ARB2A: variants seen among roughly 807,000 people sequenced by gnomAD.
The protein encoded by ARB2A is cotranscriptional regulator ARB2A.
the ARB2A span, among the ~76,000 whole-genome samples, chr5:93,826,776 T>C: frequency 8.6e-6 from 1 of 116,878 alleles, no homozygotes; most frequent in African/African-American, 3.3e-5. Flanking sequence ...CCCCACAGTG[T>C]GAAGTTCCCC....
At chr5:93,638,844 A>T in the ARB2A span, among the ~76,000 whole-genome samples, 8 of 152,002 alleles carry the variant, frequency 5.3e-5, no homozygotes. Context: ...AAAAAAATGC[A>T]TTTGATTTTT....
the ARB2A span, among the ~76,000 whole-genome samples, chr5:93,685,598 A>G: frequency 6.6e-6 from 1 of 152,224 alleles, no homozygotes; most frequent in Non-Finnish European, 1.5e-5. Context: ...GAGTGGTTCT[A>G]AAAAATCTTA....
chr5:93,841,643 T>A, the ARB2A span, among the ~76,000 whole-genome samples: 1 of 152,222 alleles, frequency 6.6e-6, no homozygotes, highest in African/African-American at 2.4e-5. Flanking sequence ...AGGAAACTAA[T>A]TATTTGGCAG....
At chr5:93,888,888 A>G in the ARB2A span, among the ~76,000 whole-genome samples, 1 of 151,814 alleles carries the variant, frequency 6.6e-6, no homozygotes, top group East Asian at 1.9e-4. Flanking sequence ...TCATTCAGTC[A>G]ATAATTCATT....
the ARB2A span, among the ~76,000 whole-genome samples, chr5:93,681,634 G>T: frequency 2.6e-5 from 4 of 152,070 alleles, no homozygotes; most frequent in African/African-American, 9.7e-5. Flanking sequence ...TTGTAAAATT[G>T]TTATCTTTTT....
the ARB2A span, among the ~76,000 whole-genome samples, chr5:93,858,545 T>C: frequency 1.3e-5 from 2 of 152,206 alleles, no homozygotes; most frequent in East Asian, 3.9e-4. Flanking sequence ...CTCCATCTCC[T>C]TTAGCCTTTA....
the ARB2A span, chr5:93,964,426 T>G: frequency 1.4e-6 from 2 of 1,424,732 alleles, no homozygotes; most frequent in Non-Finnish European, 1.9e-6. Context: ...ACATTTCATT[T>G]GAAATAAACA....
the ARB2A span, among the ~76,000 whole-genome samples, chr5:94,003,745 A>G: frequency 6.6e-6 from 1 of 152,188 alleles, no homozygotes; most frequent in Admixed American, 6.5e-5. Flanking sequence ...TCATGGATAC[A>G]AAGCTCTAAC....
the ARB2A span, among the ~76,000 whole-genome samples, chr5:93,933,911 C>A: frequency 6.6e-6 from 1 of 152,064 alleles, no homozygotes; most frequent in African/African-American, 2.4e-5. Context: ...GAGGCTGATG[C>A]AGGAGAATCA....
At chr5:94,029,078 G>A in the ARB2A span, among the ~76,000 whole-genome samples, 137 of 152,158 alleles carry the variant, frequency 9.0e-4, no homozygotes, top group African/African-American at 2.7e-3. Context: ...AGCAATATCC[G>A]CCTCCCAGAA....
At chr5:93,698,185 G>A in the ARB2A span, among the ~76,000 whole-genome samples, 2 of 152,064 alleles carry the variant, frequency 1.3e-5, no homozygotes, top group Non-Finnish European at 1.5e-5. Flanking sequence ...ATTCTCTGTT[G>A]ATTTTCCTTG....
chr5:93,651,170 C>T, the ARB2A span, among the ~76,000 whole-genome samples: 1 of 151,482 alleles, frequency 6.6e-6, no homozygotes, highest in Non-Finnish European at 1.5e-5. Context: ...GGGTCTCACT[C>T]TGTCACCCAG....
chr5:93,862,636 ATGTGTG>A, the ARB2A span: 2 of 151,752 alleles, frequency 1.3e-5, no homozygotes, highest in African/African-American at 4.8e-5. Flanking sequence ...GTGTTTGTGT[ATGTGTG>A]TGTGTGTTCC....
At chr5:93,827,345 A>G in the ARB2A span, among the ~76,000 whole-genome samples, 1 of 152,216 alleles carries the variant, frequency 6.6e-6, no homozygotes, top group Non-Finnish European at 1.5e-5. Context: ...TCTGATGGCC[A>G]GTGATGATGA....
the ARB2A span, among the ~76,000 whole-genome samples, chr5:94,084,207 G>A: frequency 1.4e-5 from 2 of 143,220 alleles, no homozygotes; most frequent in Non-Finnish European, 3.0e-5. Context: ...CCAAGAGGCA[G>A]AGGTCGCAGG....
the ARB2A span, among the ~76,000 whole-genome samples, chr5:93,956,126 G>A: frequency 3.3e-5 from 5 of 152,300 alleles, no homozygotes; most frequent in Non-Finnish European, 1.5e-5. Flanking sequence ...GGATTTATCT[G>A]ATATGCACCA....
chr5:93,679,140 C>G, the ARB2A span, among the ~76,000 whole-genome samples: 1 of 152,130 alleles, frequency 6.6e-6, no homozygotes, highest in South Asian at 2.1e-4. Flanking sequence ...AATTCAACAT[C>G]TACTGTACTT....
the ARB2A span, among the ~76,000 whole-genome samples, chr5:94,020,066 C>G: frequency 6.6e-6 from 1 of 152,134 alleles, no homozygotes; most frequent in Non-Finnish European, 1.5e-5. Flanking sequence ...ATGTACACCA[C>G]GTAATGCTAT....
At chr5:93,781,942 GTC>G in the ARB2A span, 2 of 985,014 alleles carry the variant, frequency 2.0e-6, no homozygotes, top group Non-Finnish European at 2.4e-6. Context: ...ATTTCAAGGA[GTC>G]TTGCAGAGGG....
Sources: allele counts gnomAD v4.1 joint callset (sites outside exome capture counted in the v4.1 genomes callset), GRCh38; gene constraint gnomAD v4.1.1; transcripts MANE v1.5; gene names NCBI Gene and HGNC (gene_info 2026-07-23, HGNC 2026-07-21).